TNR: variants seen among roughly 807,000 people sequenced by gnomAD.
TNR encodes tenascin-R.
Under a neutral mutation model 150.4 loss-of-function variants are expected in TNR, and 45 were observed. The ratio of observed to expected loss-of-function variants is 0.30; its 90% confidence interval spans 0.24 to 0.38. TNR has a LOEUF of 0.38. Ranked by LOEUF, TNR falls within the 10% of genes least tolerant of loss-of-function variation. The pLI is 1.00. For missense variants in TNR, 1,544 were observed against 1,759.1 expected, an observed-to-expected ratio of 0.88 and a Z score of 2.19; for synonymous variants, 687 against 678.4, an observed-to-expected ratio of 1.01 and a Z score of -0.20.
chr1:175,576,120 C>T (rs1662099666), intron 1 of TNR, among the ~76,000 whole-genome samples: 1 of 152,194 alleles, frequency 6.6e-6, no homozygotes, highest in Admixed American at 6.5e-5. Context: ...CCTTTATTCC[C>T]CAGCACTGCT....
intron 3 of TNR, 56 bp downstream of exon 3, chr1:175,406,160 C>T: frequency 6.4e-7 from 1 of 1,570,128 alleles, no homozygotes. Flanking sequence ...CTCTCCCTCT[C>T]TGCTCAGCCC....
At chr1:175,625,614 C>T (rs1270994679) in intron 1 of TNR, among the ~76,000 whole-genome samples, 1 of 152,240 alleles carries the variant, frequency 6.6e-6, no homozygotes, top group Non-Finnish European at 1.5e-5. Flanking sequence ...GGATTCACCA[C>T]CCTGTTCTCA....
At chr1:175,401,747 G>A (rs1653711793) in intron 4 of TNR, among the ~76,000 whole-genome samples, 1 of 152,154 alleles carries the variant, frequency 6.6e-6, no homozygotes, top group Middle Eastern at 3.4e-3. Flanking sequence ...TGGTGAATCC[G>A]GCTTACCAGG....
intron 1 of TNR, among the ~76,000 whole-genome samples, chr1:175,583,175 C>T (rs985368797): frequency 6.6e-6 from 1 of 152,170 alleles, no homozygotes; most frequent in African/African-American, 2.4e-5. Flanking sequence ...CCCTAGACTG[C>T]CTCCCTAAGG....
At chr1:175,492,471 G>A (rs1658300367) in intron 2 of TNR, among the ~76,000 whole-genome samples, 1 of 152,154 alleles carries the variant, frequency 6.6e-6, no homozygotes, top group Non-Finnish European at 1.5e-5. Context: ...ACACTGATTT[G>A]TTTCTAACAA....
rs533564654 is a variant in TNR, at chr1:175,428,779, G to A, written c.-63-22002C>T. Among the ~76,000 whole-genome samples the A allele has an allele frequency of 2.0e-5, 3 of 152,042 alleles. No individual in the cohort carries two copies. In the East Asian group the frequency reaches 5.8e-4, roughly 29 times the overall value. On this transcript the variant is annotated intron_variant, in intron 2 of 22. Transcript: ENST00000367674. ...CTGTGCTGCACGATTCTCATTTTAC[G>A]TAAGTGGAAATGCTCACCAACTACT...
chr1:175,435,908 G>A (rs1041317553), intron 2 of TNR, among the ~76,000 whole-genome samples: 1 of 152,164 alleles, frequency 6.6e-6, no homozygotes, highest in Admixed American at 6.5e-5. Context: ...GCTTAGTTTG[G>A]CTGGATATGA....
chr1:175,480,983 A>C (rs1298664301), intron 2 of TNR, among the ~76,000 whole-genome samples: 1 of 152,180 alleles, frequency 6.6e-6, no homozygotes, highest in Non-Finnish European at 1.5e-5. Flanking sequence ...ATTCCTACTA[A>C]AGTGTTAATG....
intron 1 of TNR, among the ~76,000 whole-genome samples, chr1:175,648,787 G>A (rs1007311069): frequency 4.6e-5 from 7 of 152,038 alleles, no homozygotes; most frequent in Admixed American, 3.3e-4. Flanking sequence ...CTGCTCCACC[G>A]TTAGTCTTCC....
intron 21 of TNR, among the ~76,000 whole-genome samples, 159 bp downstream of exon 21, chr1:175,329,915 C>T (rs1342741340): frequency 6.6e-5 from 10 of 152,172 alleles, no homozygotes; most frequent in Non-Finnish European, 1.5e-4. Flanking sequence ...GGGACCAGTG[C>T]CAGTGGTTCC....
At chr1:175,577,964 C>A (rs1662190575) in intron 1 of TNR, among the ~76,000 whole-genome samples, 1 of 152,182 alleles carries the variant, frequency 6.6e-6, no homozygotes. Context: ...CCTCCCTGAA[C>A]CTCGGCTTCC....
chr1:175,693,651 C>G (rs1299777103), intron 1 of TNR, among the ~76,000 whole-genome samples: 2 of 152,232 alleles, frequency 1.3e-5, no homozygotes, highest in Non-Finnish European at 2.9e-5. Context: ...CTACAGGTGA[C>G]TGTTCTAAAA....
At chr1:175,608,655 C>T (rs1166587933) in intron 1 of TNR, among the ~76,000 whole-genome samples, 1 of 152,106 alleles carries the variant, frequency 6.6e-6, no homozygotes, top group South Asian at 2.1e-4. Context: ...GTTCAAGGAG[C>T]TTCTGTAAAT....
At chr1:175,486,598 CTT>C (rs1343005559) in intron 2 of TNR, among the ~76,000 whole-genome samples, 1 of 152,162 alleles carries the variant, frequency 6.6e-6, no homozygotes. Context: ...ATGTATGTGT[CTT>C]TATAGTAGAA....
chr1:175,329,250 C>A (rs954308390), intron 21 of TNR, among the ~76,000 whole-genome samples: 1 of 152,132 alleles, frequency 6.6e-6, no homozygotes. Flanking sequence ...AATGAAAGGG[C>A]CAATAATGCC....
At chr1:175,370,846 T>C (rs1438656285) in intron 9 of TNR, among the ~76,000 whole-genome samples, 1 of 152,210 alleles carries the variant, frequency 6.6e-6, no homozygotes, top group African/African-American at 2.4e-5. Flanking sequence ...TTTATGAAGC[T>C]TAAATGAAAT....
Position 175,356,470 on chromosome 1 carries a change from C to G in TNR, c.2975-8G>C. The G allele has an allele frequency of 6.2e-7, 1 of 1,613,548 alleles. No homozygotes were observed. Among genetic ancestry groups the G allele is most frequent in the Non-Finnish European group, 8.5e-7 (1 of 1,179,740 alleles). On this transcript the variant is annotated splice_region_variant and splice_polypyrimidine_tract_variant and intron_variant, in intron 15 of 22. Transcript: ENST00000367674. ...GGATGGTCTCTCCAGCGACTGAACT[C>G]AAATGAATATGAATAAGGGTTGAAT...
intron 2 of TNR, among the ~76,000 whole-genome samples, chr1:175,522,677 G>A (rs1209290958): frequency 6.6e-6 from 1 of 152,162 alleles, no homozygotes; most frequent in Non-Finnish European, 1.5e-5. Flanking sequence ...ATTTGGTTTG[G>A]CATGAGACAG....
At chr1:175,411,104 C>G (rs1654190806) in intron 2 of TNR, among the ~76,000 whole-genome samples, 1 of 152,126 alleles carries the variant, frequency 6.6e-6, no homozygotes, top group Admixed American at 6.5e-5. Context: ...CAAAAGGTCC[C>G]AGGGAAGTGG....
Sources: allele counts gnomAD v4.1 joint callset (sites outside exome capture counted in the v4.1 genomes callset), GRCh38; gene constraint gnomAD v4.1.1; transcripts MANE v1.5; gene names NCBI Gene and HGNC (gene_info 2026-07-23, HGNC 2026-07-21).